The following LRRC8D variants were observed in gnomAD, a reference collection of about 807,000 sequenced individuals.
LRRC8D encodes the protein leucine rich repeat containing 8 VRAC subunit D.
In LRRC8D, 20 loss-of-function variants were observed where a neutral mutation model predicts 55.8. The ratio of observed to expected loss-of-function variants is 0.36; its 90% CI spans 0.25 to 0.52. LRRC8D has a LOEUF of 0.52. LRRC8D is among the 20% of genes least tolerant of loss of function. The pLI is 0.93. For synonymous variants in LRRC8D, 352 were observed against 377.0 expected, an observed-to-expected ratio of 0.93 and a Z score of 0.77; for missense variants, 651 against 1,030.8, an observed-to-expected ratio of 0.63 and a Z score of 5.05.
At chr1:89,927,987 G>A (rs1057191690) in intron 2 of LRRC8D, among the ~76,000 whole-genome samples, 1 of 152,192 alleles carries the variant, frequency 6.6e-6, no homozygotes, top group Non-Finnish European at 1.5e-5. Flanking sequence ...AGTAGGGCAT[G>A]GTGGATTACA....
chr1:89,830,081 AAATG>A (rs1276704425), intron 1 of LRRC8D, among the ~76,000 whole-genome samples: 3 of 152,242 alleles, frequency 2.0e-5, no homozygotes, highest in Admixed American at 6.5e-5. Context: ...TCTTCAAAGT[AAATG>A]AATGAATAAA....
Position 89,858,070 on chromosome 1 carries a change from A to C in LRRC8D, c.-3+14288A>C, listed in dbSNP as rs1199005791. On this transcript the variant is annotated intron_variant, in intron 2 of 2. Transcript: ENST00000337338. ...ATGGTGAAACCCCGTCTCTACTAAA[A>C]ATACAAAAATTAGCCGGGCGTGGTG... Among the ~76,000 whole-genome samples the C allele has an allele frequency of 3.3e-5, 5 of 152,302 alleles. No homozygotes were observed. The East Asian group carries it at 9.6e-4, about 29-fold the overall frequency.
intron 2 of LRRC8D, among the ~76,000 whole-genome samples, chr1:89,888,701 G>A (rs1662485744): frequency 6.6e-6 from 1 of 152,164 alleles, no homozygotes; most frequent in South Asian, 2.1e-4. Context: ...TGAACTTGGA[G>A]CATCTTGTAG....
intron 1 of LRRC8D, among the ~76,000 whole-genome samples, chr1:89,826,764 A>G (rs1660775668): frequency 6.6e-6 from 1 of 152,220 alleles, no homozygotes; most frequent in Non-Finnish European, 1.5e-5. Flanking sequence ...AAGAAGGAAC[A>G]CACAGTGGAA....
chr1:89,847,763 T>G (rs1661316793), intron 2 of LRRC8D, among the ~76,000 whole-genome samples: 1 of 152,250 alleles, frequency 6.6e-6, no homozygotes, highest in Admixed American at 6.5e-5. Context: ...TTCAACGATC[T>G]TAACTGGTTC....
At chr1:89,919,063 C>T (rs1195757676) in intron 2 of LRRC8D, among the ~76,000 whole-genome samples, 2 of 152,218 alleles carry the variant, frequency 1.3e-5, no homozygotes, top group Admixed American at 6.5e-5. Flanking sequence ...GGAGACAGAA[C>T]TGACAGTTCT....
chr1:89,901,649 G>A (rs1570873634), intron 2 of LRRC8D, among the ~76,000 whole-genome samples: 1 of 152,292 alleles, frequency 6.6e-6, no homozygotes, highest in East Asian at 1.9e-4. Context: ...CAGATACGCA[G>A]ACTAAACATG....
intron 2 of LRRC8D, among the ~76,000 whole-genome samples, chr1:89,892,592 C>T (rs1031206560): frequency 6.6e-6 from 1 of 152,104 alleles, no homozygotes. Context: ...CATTTCAGCT[C>T]ACTGCAAGCT....
intron 1 of LRRC8D, among the ~76,000 whole-genome samples, chr1:89,840,263 GAGAA>G (rs1309578460): frequency 6.6e-6 from 1 of 152,208 alleles, no homozygotes; most frequent in East Asian, 1.9e-4. Flanking sequence ...CAGCGGCTAT[GAGAA>G]AGAAACACTT....
intron 1 of LRRC8D, among the ~76,000 whole-genome samples, chr1:89,827,343 CA>C (rs35690511): frequency 0.73 from 76,753 of 105,062 alleles, 26,044 homozygotes; most frequent in Middle Eastern, 0.84. Flanking sequence ...GAGACTGTCT[CA>C]AAAAAAAAAA....
intron 2 of LRRC8D, among the ~76,000 whole-genome samples, chr1:89,850,983 C>T (rs577318784): frequency 1.3e-5 from 2 of 152,104 alleles, no homozygotes; most frequent in East Asian, 1.9e-4. Context: ...AGAAATGTGT[C>T]GACCTATCTA....
chr1:89,822,390 T>C (rs1216005304), intron 1 of LRRC8D, among the ~76,000 whole-genome samples: 1 of 152,230 alleles, frequency 6.6e-6, no homozygotes, highest in Non-Finnish European at 1.5e-5. Context: ...TGGAGCCGCT[T>C]GGCTTATATT....
intron 2 of LRRC8D, among the ~76,000 whole-genome samples, chr1:89,920,591 C>T (rs1367030004): frequency 6.7e-6 from 1 of 149,894 alleles, no homozygotes; most frequent in Non-Finnish European, 1.5e-5. Context: ...CAGTGACTTA[C>T]GTTTCGTTTC....
intron 2 of LRRC8D, among the ~76,000 whole-genome samples, chr1:89,860,809 T>TATATATATATATAC (rs970678615): frequency 8.5e-5 from 9 of 105,548 alleles, no homozygotes; most frequent in East Asian, 2.9e-4. Flanking sequence ...TATATATATA[T>TATATATATATATAC]ACACACACAG....
At chr1:89,920,697 G>GAAAA (rs555845776) in intron 2 of LRRC8D, among the ~76,000 whole-genome samples, 1 of 113,230 alleles carries the variant, frequency 8.8e-6, no homozygotes, top group Non-Finnish European at 1.9e-5. Flanking sequence ...GGCCTATTGG[G>GAAAA]AAAAAAAAAA....
intron 2 of LRRC8D, chr1:89,846,467 T>C (rs1661283800): frequency 6.6e-6 from 1 of 152,104 alleles, no homozygotes; most frequent in African/African-American, 2.4e-5. Context: ...TAAATGGAGT[T>C]GTTGGGACCT....
At chr1:89,881,534 G>A in intron 2 of LRRC8D, among the ~76,000 whole-genome samples, 1 of 152,174 alleles carries the variant, frequency 6.6e-6, no homozygotes, top group East Asian at 1.9e-4. Context: ...CAGTTGCAGA[G>A]TAGGTGGAGA....
intron 2 of LRRC8D, among the ~76,000 whole-genome samples, chr1:89,909,936 T>G (rs1416623626): frequency 1.3e-5 from 2 of 152,118 alleles, no homozygotes; most frequent in Non-Finnish European, 2.9e-5. Context: ...TTGGCTCTAA[T>G]TTAAGTCCCT....
At chr1:89,854,577 G>A (rs1161886622) in intron 2 of LRRC8D, among the ~76,000 whole-genome samples, 2 of 152,184 alleles carry the variant, frequency 1.3e-5, no homozygotes, top group African/African-American at 2.4e-5. Flanking sequence ...AATGGAAGAC[G>A]GGGAGTTCTT....
Sources: gnomAD v4.1 joint callset for allele counts (sites outside exome capture counted in the v4.1 genomes callset) on GRCh38, gnomAD v4.1.1 for gene constraint, MANE v1.5 for transcripts, NCBI Gene and HGNC (gene_info 2026-07-23, HGNC 2026-07-21) for gene names.